The following NFE2L2 variants were observed in gnomAD, a reference collection of about 807,000 sequenced individuals.
NFE2L2 encodes NFE2 like bZIP transcription factor 2.
A neutral mutation model predicts 49.6 loss-of-function variants in NFE2L2; 20 were observed. The ratio of observed to expected loss-of-function variants is 0.40; its 90% CI spans 0.28 to 0.59. The LOEUF (loss-of-function observed/expected upper bound fraction) is 0.59, where lower values mean the gene tolerates loss of function less well. NFE2L2 is among the 20% of genes least tolerant of loss of function. The pLI is 0.40. For missense variants in NFE2L2, 578 were observed against 714.2 expected (o/e 0.81, Z 2.17); for synonymous variants, 244 against 256.5 (o/e 0.95, Z 0.47).
At chr2:177,264,396 C>G in intron 1 of NFE2L2, 136 bp downstream of exon 1, 1 of 883,322 alleles carries the variant, frequency 1.1e-6, no homozygotes, top group Non-Finnish European at 1.6e-6. Flanking sequence ...CGCGGCGGCT[C>G]TACCCAGCGC....
chr2:177,258,719 G>A (rs1051707207), intron 1 of NFE2L2, among the ~76,000 whole-genome samples: 4 of 152,100 alleles, frequency 2.6e-5, no homozygotes, highest in Non-Finnish European at 4.4e-5. Context: ...AATGCCATTA[G>A]AGAGGATCAC....
chr2:177,264,465 C>G, intron 1 of NFE2L2, 67 bp downstream of exon 1: 2 of 1,478,022 alleles, frequency 1.4e-6, no homozygotes, highest in South Asian at 2.5e-5. Context: ...CCTCCCGGGC[C>G]GCGGTTCCCT....
At chr2:177,242,894 G>GTTTTGTTTTTT (rs1161231135) in intron 1 of NFE2L2, among the ~76,000 whole-genome samples, 1 of 150,406 alleles carries the variant, frequency 6.6e-6, no homozygotes, top group Non-Finnish European at 1.5e-5. Flanking sequence ...CCCCAAGGAG[G>GTTTTGTTTTTT]TTTTGTTTTT....
At chr2:177,259,825 G>A (rs995522526) in intron 1 of NFE2L2, among the ~76,000 whole-genome samples, 12 of 152,010 alleles carry the variant, frequency 7.9e-5, no homozygotes, top group African/African-American at 2.7e-4. Context: ...CCAGCTACTC[G>A]GGAGGCTGGG....
chr2:177,246,602 TTTTTTC>T (rs1346420621), intron 1 of NFE2L2, among the ~76,000 whole-genome samples: 4 of 150,484 alleles, frequency 2.7e-5, no homozygotes, highest in East Asian at 3.9e-4. Context: ...CCTTTTTCTT[TTTTTTC>T]TTTTTTTCTA....
Position 177,261,179 on chromosome 2 carries a change from AAAAAAAC to A in NFE2L2, c.45+3346_45+3352del, listed in dbSNP as rs1690723867. 2.0e-5 allele frequency among the ~76,000 whole-genome samples: 3 copies of A among 151,364 alleles called. No homozygotes were observed. In the South Asian group the frequency reaches 6.2e-4, roughly 32 times the overall value. ...GAACAAGACTTCATCTCAAAAAAAAAAAAAAACAAAAAACAAAAAACAGTCCTGCCTT... is the reference window on the plus strand; with the variant it reads ...GAACAAGACTTCATCTCAAAAAAAAAAAAAAACAAAAAACAGTCCTGCCTT... On this transcript the variant is annotated intron_variant, in intron 1 of 4. Transcript: ENST00000397062.
chr2:177,230,402 T>G lies in NFE2L2; in HGVS notation c.*383A>C, dbSNP rs970262661. 8.5e-6 allele frequency: 2 copies of G among 236,032 alleles called. No homozygotes were observed. The highest frequency in any genetic ancestry group is 1.7e-5 in the Non-Finnish European group (2 of 119,984). 14.6% of individuals were successfully genotyped at this position (236,032 alleles called of 1,614,324 possible). A position where few individuals can be genotyped will look rare whatever the true frequency, so the allele number is the denominator to read the frequency against. The stretch of plus-strand genomic sequence containing the variant: ...ATTTAATATAAAAAATGCCATTTTT[T>G]GTCCATACAGTATTTATAAAAAAGT... On this transcript the variant is annotated 3_prime_UTR_variant, in exon 5 of 5. Transcript: ENST00000397062.
In NFE2L2 at chr2:177,236,188, T is replaced by G. The variant is rs189957813; in HGVS notation, c.46-1917A>C. ...CCAAGGACGCAAATAACATGGTGGTTGTTTCAGTGAGGAGTCAGGCTATTT... is the reference window on the plus strand; with the variant it reads ...CCAAGGACGCAAATAACATGGTGGTGGTTTCAGTGAGGAGTCAGGCTATTT... On this transcript the variant is annotated intron_variant, in intron 1 of 4. Coordinates refer to ENST00000397062, the MANE Select transcript of NFE2L2 (RefSeq NM_006164.5). 1.0e-3 allele frequency among the ~76,000 whole-genome samples: 153 copies of G among 152,356 alleles called. 1 individual carries two copies. Among genetic ancestry groups the G allele is most frequent in the Admixed American group, 5.6e-3 (86 of 15,306 alleles).
intron 1 of NFE2L2, among the ~76,000 whole-genome samples, chr2:177,255,165 T>C (rs1337661160): frequency 1.3e-5 from 2 of 152,190 alleles, no homozygotes; most frequent in African/African-American, 4.8e-5. Context: ...TGAATGAGCT[T>C]CTATCTAGGC....
intron 1 of NFE2L2, among the ~76,000 whole-genome samples, chr2:177,253,324 AACTG>A (rs1348122613): frequency 2.0e-5 from 3 of 152,230 alleles, no homozygotes; most frequent in Non-Finnish European, 2.9e-5. Flanking sequence ...CTCACCCTCA[AACTG>A]ACTGAGCAAC....
chr2:177,248,091 C>T (rs747632980), intron 1 of NFE2L2, among the ~76,000 whole-genome samples: 14 of 152,144 alleles, frequency 9.2e-5, no homozygotes, highest in East Asian at 1.9e-4. Context: ...TGACAGTGAT[C>T]GTGGAGACCG....
At chr2:177,263,386 A>G (rs1015797360) in intron 1 of NFE2L2, 3 of 985,386 alleles carry the variant, frequency 3.0e-6, no homozygotes, top group South Asian at 4.7e-5. Flanking sequence ...ATTCTAATCT[A>G]CACTCGCAAC....
rs1438071035 is a variant in NFE2L2 at position 177,233,875 on chromosome 2, T to A, written c.312+130A>T. 2.4e-6 allele frequency: 3 copies of A among 1,261,068 alleles called. No homozygotes were observed. In the Admixed American group the frequency reaches 7.7e-5, roughly 32 times the overall value. The allele number at this position is 1,261,068 out of a possible 1,614,324, so 78.1% of individuals were successfully genotyped here. ...TACTGAACTCATCAGGAGGCTGAGG[T>A]TGGAAAGTAGATTTGACAAGGTTAA... On this transcript the variant is annotated intron_variant, in intron 2 of 4. Transcript: ENST00000397062.
At chr2:177,238,738 A>T (rs1689842008) in intron 1 of NFE2L2, among the ~76,000 whole-genome samples, 1 of 152,244 alleles carries the variant, frequency 6.6e-6, no homozygotes. Flanking sequence ...AAAATCATGG[A>T]CAGCTTCATT....
rs1336577095 is a variant in NFE2L2 at position 177,257,630 on chromosome 2, G to A, written c.45+6902C>T. On this transcript the variant is annotated intron_variant, in intron 1 of 4. Coordinates refer to ENST00000397062, the MANE Select transcript of NFE2L2 (RefSeq NM_006164.5). ...CAATGGATACCAAGCACTGAGGTGG[G>A]TCCCCTAGGGCAGGGGTCCCCACCT... Among the ~76,000 whole-genome samples, 3 of 152,292 alleles carry A rather than the reference G, an allele frequency of 2.0e-5. No homozygotes were observed. In the East Asian group the frequency reaches 5.8e-4, roughly 29 times the overall value.
chr2:177,251,708 G>A lies in NFE2L2; in HGVS notation c.45+12824C>T, dbSNP rs564960584. ...AAAAAGGGCGTGAGTGTTTACACTG[G>A]AACTCGAGGGATTTTTGCCAGGCGT... On this transcript the variant is annotated intron_variant, in intron 1 of 4. Coordinates refer to ENST00000397062, the MANE Select transcript of NFE2L2 (RefSeq NM_006164.5). Among the ~76,000 whole-genome samples the A allele has an allele frequency of 7.0e-4, 107 of 152,232 alleles. 1 individual carries two copies. Among genetic ancestry groups the A allele is most frequent in the African/African-American group, 2.5e-3 (104 of 41,566 alleles).
intron 1 of NFE2L2, chr2:177,263,673 G>A (rs888434637): frequency 9.1e-6 from 9 of 985,480 alleles, no homozygotes; most frequent in Non-Finnish European, 1.1e-5. Context: ...CACCGCGTCC[G>A]AACTAGAAGC....
chr2:177,233,301 A>T lies in NFE2L2; in HGVS notation c.351T>A (p.Asp117Glu), dbSNP rs1469602964. 1 of 1,610,356 alleles carries T rather than the reference A, an allele frequency of 6.2e-7. No homozygotes were observed. Among genetic ancestry groups the T allele is most frequent in the Non-Finnish European group, 8.5e-7 (1 of 1,178,974 alleles). The change falls in exon 3 of 5, where the codon GAT becomes GAA. Residue 117 changes from aspartate to glutamate, a missense_variant. This residue lies in a region of NFE2L2 where 93 missense variants were observed against 153.9 expected (regional missense o/e 0.60). Coordinates refer to ENST00000397062, the MANE Select transcript of NFE2L2 (RefSeq NM_006164.5). Reference protein sequence around the residue: ...HIPKSDALYFDDCMQLLAQTF... With the variant: ...HIPKSDALYFEDCMQLLAQTF... The stretch of plus-strand genomic sequence containing the variant: ...TCTGCGCCAAAAGCTGCATGCAGTC[A>T]TCAAAGTACAAAGCATCTGATTTGG...
intron 1 of NFE2L2, among the ~76,000 whole-genome samples, chr2:177,260,054 C>T (rs1331553430): frequency 6.6e-6 from 1 of 152,210 alleles, no homozygotes; most frequent in African/African-American, 2.4e-5. Flanking sequence ...TAAATCTTGG[C>T]CTATACCTTA....
Sources: allele counts gnomAD v4.1 joint callset (sites outside exome capture counted in the v4.1 genomes callset), GRCh38; gene constraint gnomAD v4.1.1; regional missense constraint gnomAD v4.1.1; transcripts MANE v1.5; gene names NCBI Gene and HGNC (gene_info 2026-07-23, HGNC 2026-07-21).